ANKRD30B: variants seen among roughly 807,000 people sequenced by gnomAD.
ANKRD30B encodes the protein ankyrin repeat domain 30B.
In ANKRD30B, 144 loss-of-function variants were observed where a neutral mutation model predicts 202.2. That is an observed-to-expected ratio of 0.71 (90% CI 0.62 to 0.82). ANKRD30B has a LOEUF of 0.82. ANKRD30B is among the 40% of genes least tolerant of loss of function. The pLI is 0.00. For missense variants in ANKRD30B, 1,487 were observed against 1,669.1 expected (o/e 0.89, Z 1.90); for synonymous variants, 508 against 561.3 (o/e 0.91, Z 1.34).
At chr18:14,855,455 T>G (rs1233651640), downstream of ANKRD30B, among the ~76,000 whole-genome samples, 1 of 152,244 alleles carries the variant, frequency 6.6e-6, no homozygotes, top group Non-Finnish European at 1.5e-5. Flanking sequence ...AGAAAGGCTG[T>G]CACTTCACAC....
chr18:14,774,535 CT>C (rs1208234790), intron 9 of ANKRD30B, among the ~76,000 whole-genome samples: 1 of 151,960 alleles, frequency 6.6e-6, no homozygotes, highest in Non-Finnish European at 1.5e-5. Flanking sequence ...ATGATTTATT[CT>C]TTTTTTCTCT....
chr18:14,907,552 G>A, the ANKRD30B span, among the ~76,000 whole-genome samples: 1,754 of 152,294 alleles, frequency 0.012, 25 homozygotes, highest in African/African-American at 0.039. Flanking sequence ...ATGGGCTGGC[G>A]TCTGTGCTGA....
chr18:14,843,781 G>A (rs1333067783), intron 39 of ANKRD30B, among the ~76,000 whole-genome samples: 1 of 152,096 alleles, frequency 6.6e-6, no homozygotes, highest in Admixed American at 6.6e-5. Context: ...GGGACAGAGC[G>A]AGACTCCGTC....
intron 12 of ANKRD30B, among the ~76,000 whole-genome samples, chr18:14,783,580 G>C (rs1967887317): frequency 6.6e-6 from 1 of 152,014 alleles, no homozygotes; most frequent in Non-Finnish European, 1.5e-5. Context: ...AAAAAATACT[G>C]AATTTATACT....
At chr18:14,845,400 T>C (rs1205773417) in intron 39 of ANKRD30B, among the ~76,000 whole-genome samples, 4 of 152,208 alleles carry the variant, frequency 2.6e-5, no homozygotes, top group African/African-American at 9.6e-5. Context: ...AGAGGGTAAT[T>C]TTCACATTTC....
At chr18:14,753,282 T>G (rs886737226) in intron 3 of ANKRD30B, among the ~76,000 whole-genome samples, 3 of 152,170 alleles carry the variant, frequency 2.0e-5, no homozygotes, top group African/African-American at 7.2e-5. Context: ...TTTTTTTTTC[T>G]TTCCAATTAG....
chr18:14,891,937 C>T, the ANKRD30B span, among the ~76,000 whole-genome samples: 1 of 152,140 alleles, frequency 6.6e-6, no homozygotes, highest in South Asian at 2.1e-4. Flanking sequence ...ATTTGCAATA[C>T]CTCCAAAATG....
rs202246400 is a variant in ANKRD30B, at chr18:14,853,912, G to GC, written c.*2_*3insC. ...TCTCACTCTCTGAGGCATCAATAGA[G>GC]GCTACATCACATTATCACATTAATC... On this transcript the variant is annotated 3_prime_UTR_variant, in exon 43 of 44. Transcript: ENST00000690538. Among the ~76,000 whole-genome samples, 1 of 151,986 alleles carries GC rather than the reference G, an allele frequency of 6.6e-6. No homozygotes were observed. Among genetic ancestry groups the GC allele is most frequent in the Admixed American group, 6.5e-5 (1 of 15,268 alleles).
At chr18:14,924,463 G>A in the ANKRD30B span, among the ~76,000 whole-genome samples, 1 of 152,038 alleles carries the variant, frequency 6.6e-6, no homozygotes, top group South Asian at 2.1e-4. Flanking sequence ...CCCGGCCTGT[G>A]CTAGGCAGAG....
chr18:14,934,999 C>G, the ANKRD30B span, among the ~76,000 whole-genome samples: 1 of 152,172 alleles, frequency 6.6e-6, no homozygotes, highest in Non-Finnish European at 1.5e-5. Flanking sequence ...CCCAGGCCCC[C>G]TCACAGACAG....
chr18:14,798,419 A>C (rs1027686554), intron 20 of ANKRD30B, among the ~76,000 whole-genome samples: 8 of 152,154 alleles, frequency 5.3e-5, no homozygotes, highest in Non-Finnish European at 1.0e-4. Flanking sequence ...AGCCTTAAAA[A>C]AGAAACACAG....
chr18:14,936,310 A>T, the ANKRD30B span, among the ~76,000 whole-genome samples: 2 of 152,100 alleles, frequency 1.3e-5, no homozygotes, highest in African/African-American at 2.4e-5. Context: ...ACTGTGTGAG[A>T]TTTTTGAGGC....
chr18:14,868,468 G>A, the ANKRD30B span, among the ~76,000 whole-genome samples: 1 of 152,286 alleles, frequency 6.6e-6, no homozygotes, highest in Non-Finnish European at 1.5e-5. Context: ...AGGGACAAAA[G>A]GCTTCTTTCC....
At chr18:14,880,596 G>A in the ANKRD30B span, among the ~76,000 whole-genome samples, 386 of 113,260 alleles carry the variant, frequency 3.4e-3, 2 homozygotes, top group African/African-American at 0.01. Flanking sequence ...GGGGAGTTTC[G>A]CTCTTGTCGC....
chr18:14,855,739 A>G (rs1162926501), downstream of ANKRD30B, among the ~76,000 whole-genome samples: 48 of 101,628 alleles, frequency 4.7e-4, no homozygotes, highest in East Asian at 4.9e-3. Flanking sequence ...TCACCTACCA[A>G]GGGGGGCAGC....
At chr18:14,912,501 C>T in the ANKRD30B span, among the ~76,000 whole-genome samples, 9 of 152,084 alleles carry the variant, frequency 5.9e-5, no homozygotes, top group Admixed American at 3.9e-4. Context: ...TTTTGATGTG[C>T]TCTTGGATTC....
chr18:14,895,272 A>C, the ANKRD30B span, among the ~76,000 whole-genome samples: 1 of 151,712 alleles, frequency 6.6e-6, no homozygotes, highest in African/African-American at 2.4e-5. Flanking sequence ...GTACCCCCTG[A>C]ATCTAAAATA....
intron 15 of ANKRD30B, among the ~76,000 whole-genome samples, chr18:14,789,392 T>C (rs1968312584): frequency 2.0e-5 from 3 of 152,178 alleles, no homozygotes; most frequent in Admixed American, 1.3e-4. Context: ...CTCTTTAGTT[T>C]AATGAGATCC....
At chr18:14,833,560 T>G (rs1482688592) in intron 34 of ANKRD30B, among the ~76,000 whole-genome samples, 3 of 152,210 alleles carry the variant, frequency 2.0e-5, no homozygotes, top group African/African-American at 7.2e-5. Flanking sequence ...TTATGAAACA[T>G]TCATTTTTAA....
Sources: allele counts gnomAD v4.1 joint callset (sites outside exome capture counted in the v4.1 genomes callset), GRCh38; gene constraint gnomAD v4.1.1; transcripts MANE v1.5; gene names NCBI Gene and HGNC (gene_info 2026-07-23, HGNC 2026-07-21).